The following IL4I1 variants were observed in gnomAD, a reference collection of about 807,000 sequenced individuals.
IL4I1 encodes the protein interleukin 4 induced 1.
A neutral mutation model predicts 29.7 loss-of-function variants in IL4I1; 24 were observed. The observed-to-expected ratio is 0.81, with a 90% CI of 0.59 to 1.14. The LOEUF (loss-of-function observed/expected upper bound fraction) is 1.14. IL4I1 is among the 50% of genes most tolerant of loss of function. The pLI is 0.00. For synonymous variants in IL4I1, 371 were observed against 352.5 expected (o/e 1.05, Z -0.59); for missense variants, 686 against 785.6 (o/e 0.87, Z 1.52).
intron 3 of IL4I1, among the ~76,000 whole-genome samples, chr19:49,903,831 T>G (rs2075291430): frequency 2.3e-5 from 1 of 42,652 alleles, no homozygotes; most frequent in African/African-American, 1.2e-4. Context: ...ATGTGCTGGG[T>G]TTTTTTTTTT....
chr19:49,908,160 CA>C (rs2075365017), intron 2 of IL4I1: 2 of 1,563,250 alleles, frequency 1.3e-6, no homozygotes, highest in African/African-American at 1.4e-5. Flanking sequence ...TATCTTGCCA[CA>C]ACCCCAAACT....
At chr19:49,928,335 G>C (rs1253027627) in intron 1 of IL4I1, 1 of 152,216 alleles carries the variant, frequency 6.6e-6, no homozygotes, top group Non-Finnish European at 1.5e-5. Context: ...GGCTAACACA[G>C]TGAAACCCCG....
upstream of IL4I1, chr19:49,901,551 G>T: frequency 1.2e-6 from 1 of 855,858 alleles, no homozygotes; most frequent in Non-Finnish European, 1.7e-6. Flanking sequence ...CCCAATCTTT[G>T]GCCTGACCCC....
chr19:49,909,463 C>T, intron 2 of IL4I1: 2 of 1,614,130 alleles, frequency 1.2e-6, no homozygotes, highest in South Asian at 2.2e-5. Flanking sequence ...TGCTGCCCAG[C>T]CCAAAGCCGC....
rs1383845864 is a variant in IL4I1, at chr19:49,891,461, G to C, written c.580C>G (p.Leu194Val). The C allele has an allele frequency of 1.2e-6, 2 of 1,614,024 alleles. No homozygotes were observed. Among genetic ancestry groups the C allele is most frequent in the Non-Finnish European group, 1.7e-6 (2 of 1,180,006 alleles). ...GCCTTTCTGCAGCCCAGTGCCTTGA[G>C]GTCTTTGAGGGCCTGTTGTGGAAGA... ...QMALNQALKD[L>V]KALGCRKAMK... The change falls in exon 6 of 8, where the codon CTC becomes GTC. Residue 194 changes from leucine (L) to valine (V), a missense_variant. Physicochemically the swap from Leu to Val is conservative, Grantham distance 32. Coordinates refer to ENST00000391826, the MANE Select transcript of IL4I1 (RefSeq NM_152899.2).
intron 7 of IL4I1, among the ~76,000 whole-genome samples, 178 bp downstream of exon 7, chr19:49,890,793 C>T (rs550479324): frequency 6.6e-6 from 1 of 152,142 alleles, no homozygotes; most frequent in South Asian, 2.1e-4. Flanking sequence ...ACCAGGGACC[C>T]CACCACTTCT....
intron 5 of IL4I1, among the ~76,000 whole-genome samples, chr19:49,893,327 G>A (rs968933654): frequency 1.3e-5 from 2 of 151,662 alleles, no homozygotes; most frequent in Non-Finnish European, 2.9e-5. Context: ...GCTGGGGCAG[G>A]CAGAGGGGAG....
At chr19:49,911,012 T>C (rs1204580440) in intron 2 of IL4I1, 1 of 152,212 alleles carries the variant, frequency 6.6e-6, no homozygotes, top group Non-Finnish European at 1.5e-5. Context: ...CAAGTGATCC[T>C]CCCACCTCAG....
intron 2 of IL4I1, among the ~76,000 whole-genome samples, chr19:49,916,900 G>A (rs1053723195): frequency 8.5e-5 from 13 of 152,234 alleles, no homozygotes; most frequent in African/African-American, 1.4e-4. Context: ...CAGCCTGGGC[G>A]GCTGAGCGAG....
upstream of IL4I1, chr19:49,901,625 G>A (rs1200869862): frequency 2.0e-6 from 3 of 1,492,108 alleles, no homozygotes; most frequent in Admixed American, 2.3e-5. Context: ...AGGGCCCCGG[G>A]TGGGGGCACT....
At chr19:49,909,908 T>C (rs1349539958) in intron 2 of IL4I1, 1 of 1,329,390 alleles carries the variant, frequency 7.5e-7, no homozygotes, top group African/African-American at 1.5e-5. Context: ...AGTGACATTG[T>C]CAGATGGCAG....
At position 49,909,226 on chromosome 19, in the gene IL4I1, C is replaced by T. The variant is rs146962258; in HGVS notation, c.-227-4905G>A. On this transcript the variant is annotated intron_variant, in intron 2 of 9. Coordinates refer to the IL4I1 transcript ENST00000341114. ...TGGCACCTGCTGTGGTGGCTGCTGG[C>T]GTGGCCGGAGTGAAGGGCAACGTGG... is the stretch of plus-strand genomic sequence containing the variant. 270 of 1,613,812 alleles carry T rather than the reference C, an allele frequency of 1.7e-4. No homozygotes were observed. The African/African-American group carries it at 2.9e-3, about 17-fold the overall frequency.
At chr19:49,917,260 C>T (rs2075649077) in intron 2 of IL4I1, among the ~76,000 whole-genome samples, 1 of 152,218 alleles carries the variant, frequency 6.6e-6, no homozygotes, top group Non-Finnish European at 1.5e-5. Context: ...CACTGCCTTC[C>T]CTCACTTGCC....
Position 49,903,830 on chromosome 19 carries a change from GTTT to G in IL4I1, c.-105+366_-105+368del, listed in dbSNP as rs113175852. ...CATATTATACTGTTATATGTGCTGG[GTTT>G]TTTTTTTTTTTTTTTTTTTTTTTGA... is the stretch of plus-strand genomic sequence containing the variant. On this transcript the variant is annotated intron_variant, in intron 3 of 9. Transcript: ENST00000341114. Among the ~76,000 whole-genome samples the G allele has an allele frequency of 6.0e-5, 4 of 66,508 alleles. No individual in the cohort carries two copies. In the East Asian group the frequency reaches 1.4e-3, roughly 24 times the overall value. 43.6% of individuals were successfully genotyped at this position (66,508 alleles called of 152,430 possible).
At chr19:49,898,683 A>C (rs2075242479), upstream of IL4I1, among the ~76,000 whole-genome samples, 1 of 152,098 alleles carries the variant, frequency 6.6e-6, no homozygotes, top group Admixed American at 6.6e-5. Context: ...ACCTGGCCAA[A>C]ATGATGAAAC....
chr19:49,907,658 G>A (rs911985770), intron 2 of IL4I1: 4 of 369,826 alleles, frequency 1.1e-5, no homozygotes, highest in South Asian at 2.1e-5. Flanking sequence ...TCAGCCTCCC[G>A]AGTAGCTGAG....
chr19:49,916,939 T>C (rs1295606255), intron 2 of IL4I1, among the ~76,000 whole-genome samples: 1 of 152,198 alleles, frequency 6.6e-6, no homozygotes, highest in Admixed American at 6.5e-5. Context: ...AAAAAAGTTC[T>C]GGGAGGCACT....
At chr19:49,901,106 G>A (rs768285220), upstream of IL4I1, among the ~76,000 whole-genome samples, 20 of 152,180 alleles carry the variant, frequency 1.3e-4, no homozygotes, top group Admixed American at 2.0e-4. Flanking sequence ...TTGGCCAGAC[G>A]CGGTGGCTCA....
At chr19:49,910,453 C>T (rs2075435729) in intron 2 of IL4I1, among the ~76,000 whole-genome samples, 1 of 152,164 alleles carries the variant, frequency 6.6e-6, no homozygotes, top group African/African-American at 2.4e-5. Flanking sequence ...GGAACTCCTC[C>T]TCCTAACTCA....
Sources: gnomAD v4.1 joint callset for allele counts (sites outside exome capture counted in the v4.1 genomes callset) on GRCh38, gnomAD v4.1.1 for gene constraint, MANE v1.5 for transcripts, NCBI Gene and HGNC (gene_info 2026-07-23, HGNC 2026-07-21) for gene names.